Variants in RHOA observed in about 807,000 individuals in gnomAD.
RHOA encodes ras homolog family member A, also known as transforming protein RhoA.
A neutral mutation model predicts 17.5 loss-of-function variants in RHOA; 3 were observed. The observed-to-expected ratio is 0.17, with a 90% CI of 0.08 to 0.44. The LOEUF (loss-of-function observed/expected upper bound fraction) is 0.44. Ranked by LOEUF, RHOA falls within the 20% of genes least tolerant of loss-of-function variation. The probability of loss-of-function intolerance (pLI) is 0.99; values close to 1 mark genes in which losing one functional copy is unlikely to be tolerated. For missense variants in RHOA, 56 were observed against 242.3 expected, an observed-to-expected ratio of 0.23 and a Z score of 5.10; for synonymous variants, 98 against 88.4, an observed-to-expected ratio of 1.11 and a Z score of -0.61.
At chr3:49,368,332 A>G (rs777834786) in intron 3 of RHOA, 96 bp downstream of exon 3, 3 of 1,449,400 alleles carry the variant, frequency 2.1e-6, no homozygotes, top group Non-Finnish European at 2.9e-6. Context: ...TGCTTCTCTG[A>G]AGTTCATGTC....
chr3:49,395,029 C>A (rs912902039), intron 1 of RHOA, among the ~76,000 whole-genome samples: 2 of 151,698 alleles, frequency 1.3e-5, no homozygotes, highest in East Asian at 3.9e-4. Context: ...GCGGGCAGAT[C>A]ACGAGGTCAG....
intron 1 of RHOA, among the ~76,000 whole-genome samples, chr3:49,393,744 C>T (rs1252092398): frequency 6.7e-6 from 1 of 149,948 alleles, no homozygotes; most frequent in African/African-American, 2.5e-5. Flanking sequence ...GAATCTCGCT[C>T]TGTCGCCCAG....
At chr3:49,365,150 T>G (rs1453300071) in intron 3 of RHOA, 2 of 151,666 alleles carry the variant, frequency 1.3e-5, no homozygotes, top group Admixed American at 6.6e-5. Flanking sequence ...GAAGTTTTTT[T>G]TTTTTTTTTT....
intron 1 of RHOA, among the ~76,000 whole-genome samples, chr3:49,396,619 A>G (rs2048620789): frequency 6.6e-6 from 1 of 152,068 alleles, no homozygotes; most frequent in Non-Finnish European, 1.5e-5. Context: ...AGGCAGGAGA[A>G]TCGCTTGAAC....
intron 1 of RHOA, among the ~76,000 whole-genome samples, chr3:49,399,638 T>C (rs1263888089): frequency 1.3e-5 from 2 of 150,804 alleles, no homozygotes; most frequent in East Asian, 3.9e-4. Flanking sequence ...AGTGCTGGAG[T>C]GCAGTGGAGT....
intron 1 of RHOA, among the ~76,000 whole-genome samples, chr3:49,396,405 C>A (rs2048616960): frequency 1.3e-5 from 2 of 152,020 alleles, no homozygotes; most frequent in African/African-American, 4.8e-5. Flanking sequence ...GAGACCCTGA[C>A]TCTACTAAAA....
At chr3:49,383,264 C>A (rs2048346220) in intron 1 of RHOA, among the ~76,000 whole-genome samples, 1 of 151,310 alleles carries the variant, frequency 6.6e-6, no homozygotes, top group Non-Finnish European at 1.5e-5. Context: ...ACTAAAAATA[C>A]AAAAAATTAG....
chr3:49,369,006 C>CTTTTTTTTT (rs1160140765), intron 2 of RHOA, among the ~76,000 whole-genome samples: 21 of 59,706 alleles, frequency 3.5e-4, no homozygotes, highest in African/African-American at 1.0e-3. Flanking sequence ...CGCGCCTGGC[C>CTTTTTTTTT]TTTTTTTTTT....
chr3:49,407,795 C>G (rs2048859629), intron 1 of RHOA, among the ~76,000 whole-genome samples: 1 of 152,072 alleles, frequency 6.6e-6, no homozygotes, highest in South Asian at 2.1e-4. Context: ...TTTCACTCCA[C>G]TTCAAACTTA....
At chr3:49,379,652 CT>C (rs1276476981) in intron 1 of RHOA, among the ~76,000 whole-genome samples, 2 of 152,090 alleles carry the variant, frequency 1.3e-5, no homozygotes, top group Non-Finnish European at 2.9e-5. Context: ...GTAGCTGGAA[CT>C]AAAGGTGCAT....
At chr3:49,408,098 G>GC (rs1418935622) in intron 1 of RHOA, among the ~76,000 whole-genome samples, 1 of 151,866 alleles carries the variant, frequency 6.6e-6, no homozygotes, top group Non-Finnish European at 1.5e-5. Flanking sequence ...GGCGGCGGTT[G>GC]CAGTGAGCCG....
chr3:49,408,686 A>G (rs2048879985), intron 1 of RHOA, among the ~76,000 whole-genome samples: 1 of 152,234 alleles, frequency 6.6e-6, no homozygotes, highest in Non-Finnish European at 1.5e-5. Context: ...ATGTAACATT[A>G]AGTTCAAAAT....
intron 4 of RHOA, among the ~76,000 whole-genome samples, chr3:49,361,222 T>G (rs2047966184): frequency 6.6e-6 from 1 of 152,114 alleles, no homozygotes; most frequent in Non-Finnish European, 1.5e-5. Context: ...AGAGGAGCCC[T>G]GGAAGGTTAA....
At chr3:49,369,069 G>C (rs1279560539) in intron 2 of RHOA, among the ~76,000 whole-genome samples, 5 of 114,326 alleles carry the variant, frequency 4.4e-5, no homozygotes, top group Admixed American at 2.5e-4. Flanking sequence ...CTGTTGCTCA[G>C]ACTGGAGTTC....
intron 1 of RHOA, among the ~76,000 whole-genome samples, chr3:49,398,515 C>G (rs1331992968): frequency 6.6e-6 from 1 of 151,586 alleles, no homozygotes; most frequent in Non-Finnish European, 1.5e-5. Context: ...GATGTTAAGC[C>G]CCAGTGGGGG....
chr3:49,387,243 G>A (rs1282217631), intron 1 of RHOA, among the ~76,000 whole-genome samples: 1 of 140,760 alleles, frequency 7.1e-6, no homozygotes, highest in Non-Finnish European at 1.5e-5. Context: ...AGGAAATTGA[G>A]ACCATCCTGG....
At chr3:49,409,298 G>A (rs2048893475) in intron 1 of RHOA, among the ~76,000 whole-genome samples, 2 of 152,014 alleles carry the variant, frequency 1.3e-5, no homozygotes, top group South Asian at 4.1e-4. Context: ...CAGGGGCCGA[G>A]GCAGGAGAAT....
At chr3:49,362,018 T>C (rs1319902838) in intron 4 of RHOA, among the ~76,000 whole-genome samples, 2 of 150,288 alleles carry the variant, frequency 1.3e-5, no homozygotes, top group African/African-American at 2.5e-5. Context: ...TGAAACCCCA[T>C]CTATTAAAAA....
intron 1 of RHOA, 76 bp from the exon 2 acceptor site, chr3:49,375,667 G>A (rs956877866): frequency 1.2e-5 from 18 of 1,479,202 alleles, no homozygotes; most frequent in Non-Finnish European, 1.5e-5. Flanking sequence ...ACATGCTTTG[G>A]TAACCATGGG....
Sources: gnomAD v4.1 joint callset for allele counts (sites outside exome capture counted in the v4.1 genomes callset) on GRCh38, gnomAD v4.1.1 for gene constraint, MANE v1.5 for transcripts, NCBI Gene and HGNC (gene_info 2026-07-23, HGNC 2026-07-21) for gene names.